BNC2: variants seen among roughly 807,000 people sequenced by gnomAD.
The protein encoded by BNC2 is basonuclin zinc finger protein 2.
Under a neutral mutation model 76.3 loss-of-function variants are expected in BNC2, and 20 were observed. The observed-to-expected ratio is 0.26, with a 90% CI of 0.18 to 0.38. BNC2 has a LOEUF of 0.38. Among genes scored for constraint, BNC2 ranks in the 10% least tolerant of loss-of-function variants. The probability of loss-of-function intolerance (pLI) is 1.00; values close to 1 mark genes in which losing one functional copy is unlikely to be tolerated. For missense variants in BNC2, 1,382 were observed against 1,399.8 expected (o/e 0.99, Z 0.20); for synonymous variants, 582 against 514.8 (o/e 1.13, Z -1.77).
At chr9:16,781,696 A>G (rs1376170285) in intron 1 of BNC2, among the ~76,000 whole-genome samples, 14 of 152,254 alleles carry the variant, frequency 9.2e-5, no homozygotes, top group African/African-American at 3.4e-4. Context: ...AGTTAGAAAC[A>G]ATCTACTTTT....
chr9:16,666,152 T>C (rs923322958), intron 3 of BNC2, among the ~76,000 whole-genome samples: 1 of 152,124 alleles, frequency 6.6e-6, no homozygotes, highest in Non-Finnish European at 1.5e-5. Flanking sequence ...ATCATGTGGG[T>C]TTTTTAGAAT....
rs908384484 is a variant in BNC2 at position 16,676,894 on chromosome 9, T to C, written c.330+50903A>G. On this transcript the variant is annotated intron_variant, in intron 3 of 6. Coordinates refer to ENST00000380672, the MANE Select transcript of BNC2 (RefSeq NM_017637.6). ...CAAGTCACTGTTGAAGATATTATCA[T>C]TTTCTTATTTGTTTTGAGAAACAGA... Among the ~76,000 whole-genome samples, 4 of 152,232 alleles carry C rather than the reference T, an allele frequency of 2.6e-5. No homozygotes were observed. The South Asian group carries it at 8.3e-4, about 32-fold the overall frequency.
intron 5 of BNC2, among the ~76,000 whole-genome samples, chr9:16,532,306 T>C (rs1818006539): frequency 6.6e-6 from 1 of 152,164 alleles, no homozygotes; most frequent in African/African-American, 2.4e-5. Flanking sequence ...TCCCTGTCCT[T>C]TTATTAAAAG....
intron 5 of BNC2, among the ~76,000 whole-genome samples, chr9:16,496,753 A>C (rs561555724): frequency 2.6e-4 from 40 of 152,344 alleles, no homozygotes; most frequent in Non-Finnish European, 3.7e-4. Flanking sequence ...TGATCTCAAC[A>C]ATCAAAATAT....
chr9:16,862,096 AAAAC>A (rs1819425013), intron 1 of BNC2, among the ~76,000 whole-genome samples: 1 of 152,240 alleles, frequency 6.6e-6, no homozygotes, highest in African/African-American at 2.4e-5. Context: ...GTTGCGTTGG[AAAAC>A]AATTTGGAAG....
intron 5 of BNC2, among the ~76,000 whole-genome samples, chr9:16,523,527 G>T (rs1269413879): frequency 6.6e-6 from 1 of 151,172 alleles, no homozygotes; most frequent in Admixed American, 6.6e-5. Flanking sequence ...TCCTAACGCT[G>T]CCTTGAAAAA....
At chr9:16,514,714 G>A (rs978725639) in intron 5 of BNC2, among the ~76,000 whole-genome samples, 1 of 152,104 alleles carries the variant, frequency 6.6e-6, no homozygotes, top group African/African-American at 2.4e-5. Context: ...CTTCTAAGGA[G>A]TCTTAATTTC....
intron 1 of BNC2, among the ~76,000 whole-genome samples, chr9:16,831,750 A>G (rs7030528): frequency 0.35 from 53,364 of 151,990 alleles, 12,589 homozygotes; most frequent in East Asian, 0.89. Context: ...TAAAAACTCA[A>G]TCAAGTGCTC....
At chr9:16,733,883 T>C (rs2135066215) in intron 2 of BNC2, among the ~76,000 whole-genome samples, 1 of 150,074 alleles carries the variant, frequency 6.7e-6, no homozygotes, top group Non-Finnish European at 1.5e-5. Context: ...AAACTCCATC[T>C]GAAAAAAAAA....
chr9:16,816,825 A>G (rs561988388), intron 1 of BNC2, among the ~76,000 whole-genome samples: 1 of 152,286 alleles, frequency 6.6e-6, no homozygotes, highest in African/African-American at 2.4e-5. Context: ...CACTTTTCTT[A>G]TCCTATAATT....
intron 5 of BNC2, among the ~76,000 whole-genome samples, chr9:16,535,777 TA>T (rs1818111879): frequency 6.6e-6 from 1 of 152,152 alleles, no homozygotes; most frequent in African/African-American, 2.4e-5. Context: ...CTGGGCTTTG[TA>T]ATGTGACTGG....
chr9:16,868,012 G>C (rs1025274846), intron 1 of BNC2: 2 of 152,124 alleles, frequency 1.3e-5, no homozygotes, highest in Non-Finnish European at 2.9e-5. Context: ...GGGCCCAAGT[G>C]AATCATATCC....
chr9:16,772,532 CCT>C (rs903214272), intron 1 of BNC2, among the ~76,000 whole-genome samples: 10 of 151,980 alleles, frequency 6.6e-5, no homozygotes, highest in African/African-American at 2.4e-4. Flanking sequence ...GCATTTTCCC[CCT>C]CTTTGAACTG....
Position 16,727,781 on chromosome 9 carries a change from A to C in BNC2, c.330+16T>G. ...TAAAAAAAAGAAAAAAAAAATCAAGAAAGAAAGTAACTTACCTGTTGGGAC... is the reference window on the plus strand; with the variant it reads ...TAAAAAAAAGAAAAAAAAAATCAAGCAAGAAAGTAACTTACCTGTTGGGAC... On this transcript the variant is annotated intron_variant, in intron 3 of 6. Transcript: ENST00000380672. The C allele has an allele frequency of 6.3e-7, 1 of 1,599,118 alleles. No homozygotes were observed. Among genetic ancestry groups the C allele is most frequent in the Non-Finnish European group, 8.5e-7 (1 of 1,174,560 alleles).
At chr9:16,854,215 T>C (rs1819198799) in intron 1 of BNC2, among the ~76,000 whole-genome samples, 1 of 152,336 alleles carries the variant, frequency 6.6e-6, no homozygotes, top group East Asian at 1.9e-4. Context: ...ATGACACTAA[T>C]TGGGAAGCTG....
At chr9:16,680,548 A>G (rs968983932) in intron 3 of BNC2, among the ~76,000 whole-genome samples, 4 of 151,426 alleles carry the variant, frequency 2.6e-5, no homozygotes, top group African/African-American at 7.3e-5. Context: ...TGTGGCAGAC[A>G]TTTTATGGAT....
At position 16,778,159 on chromosome 9, in the gene BNC2, C is replaced by A. The variant is rs556887893; in HGVS notation, c.4-39674G>T. The stretch of plus-strand genomic sequence containing the variant: ...TTTATAAATGAAAAACAATGACTCT[C>A]ATAATGAGGAAACTGTAAAGATACA... On this transcript the variant is annotated intron_variant, in intron 1 of 6. Coordinates refer to ENST00000380672, the MANE Select transcript of BNC2 (RefSeq NM_017637.6). 2.6e-5 allele frequency among the ~76,000 whole-genome samples: 4 copies of A among 152,256 alleles called. No individual in the cohort carries two copies. The South Asian group carries it at 8.3e-4, about 32-fold the overall frequency.
chr9:16,826,886 T>C (rs984782971), intron 1 of BNC2, among the ~76,000 whole-genome samples: 1 of 152,134 alleles, frequency 6.6e-6, no homozygotes, highest in Non-Finnish European at 1.5e-5. Flanking sequence ...AGAAAAAAAT[T>C]TTCTAAATGC....
intron 3 of BNC2, among the ~76,000 whole-genome samples, chr9:16,634,845 G>A (rs1821275350): frequency 6.6e-6 from 1 of 151,752 alleles, no homozygotes; most frequent in South Asian, 2.1e-4. Context: ...CCAAGAAGCA[G>A]TGTACACTGA....
Sources: gnomAD v4.1 joint callset for allele counts (sites outside exome capture counted in the v4.1 genomes callset) on GRCh38, gnomAD v4.1.1 for gene constraint, MANE v1.5 for transcripts, NCBI Gene and HGNC (gene_info 2026-07-23, HGNC 2026-07-21) for gene names.